The following DCC variants were observed in gnomAD, a reference collection of about 807,000 sequenced individuals.
The protein encoded by DCC is DCC netrin 1 receptor, also known as netrin receptor DCC.
A neutral mutation model predicts 172.5 loss-of-function variants in DCC; 58 were observed. The ratio of observed to expected loss-of-function variants is 0.34; its 90% confidence interval spans 0.27 to 0.42. DCC has a LOEUF of 0.42. DCC is among the 10% of genes least tolerant of loss of function. The probability of loss-of-function intolerance (pLI) is 1.00; values close to 1 mark genes in which losing one functional copy is unlikely to be tolerated. For synonymous variants in DCC, 709 were observed against 644.5 expected, an observed-to-expected ratio of 1.10 and a Z score of -1.52; for missense variants, 1,740 against 1,791.0, an observed-to-expected ratio of 0.97 and a Z score of 0.51.
intron 12 of DCC, among the ~76,000 whole-genome samples, chr18:53,249,154 T>C (rs888496014): frequency 3.9e-5 from 6 of 152,034 alleles, no homozygotes; most frequent in African/African-American, 1.4e-4. Context: ...TGGATTCCCA[T>C]AGTTTTTAAT....
chr18:52,771,426 C>G (rs1424224972), intron 2 of DCC, among the ~76,000 whole-genome samples: 1 of 152,230 alleles, frequency 6.6e-6, no homozygotes. Flanking sequence ...TAGAGAGCCA[C>G]TAGCCTTCTT....
intron 2 of DCC, among the ~76,000 whole-genome samples, chr18:52,789,392 T>A (rs1257856599): frequency 6.6e-6 from 1 of 152,050 alleles, no homozygotes; most frequent in Non-Finnish European, 1.5e-5. Flanking sequence ...AATGATTCAG[T>A]TGACTGAGAA....
chr18:53,157,402 C>G lies in DCC; in HGVS notation c.1308C>G (p.Val436=). The stretch of plus-strand genomic sequence containing the variant: ...TCCCTTCGGCTCCCAGAGATGTGGT[C>G]CCTGTCTTGGTTTCCAGCCGATTTG... The part of the protein sequence containing the change: ...SVLPSAPRDV[V]PVLVSSRFVR... Residue 436 remains valine, a synonymous_variant, in exon 8 of 29, where the codon GTC becomes GTG. Coordinates refer to ENST00000442544, the MANE Select transcript of DCC (RefSeq NM_005215.4). 6.2e-7 allele frequency: 1 copy of G among 1,614,144 alleles called. No individual in the cohort carries two copies. The highest frequency in any genetic ancestry group is 2.2e-5 in the East Asian group (1 of 44,882).
At chr18:53,335,088 C>G (rs2057576760) in intron 14 of DCC, among the ~76,000 whole-genome samples, 1 of 152,190 alleles carries the variant, frequency 6.6e-6, no homozygotes, top group Admixed American at 6.5e-5. Context: ...CATTCTCTCT[C>G]TTACCCTTGA....
chr18:53,293,305 A>G (rs1269781899), intron 12 of DCC, among the ~76,000 whole-genome samples: 3 of 152,212 alleles, frequency 2.0e-5, no homozygotes, highest in Admixed American at 2.0e-4. Flanking sequence ...CAAAAAGTCA[A>G]GAAGCAATAG....
intron 1 of DCC, among the ~76,000 whole-genome samples, chr18:52,514,528 A>T (rs2031558490): frequency 6.6e-6 from 1 of 152,244 alleles, no homozygotes; most frequent in South Asian, 2.1e-4. Flanking sequence ...TTCAGATGAC[A>T]ACCAGTGGGT....
At chr18:52,959,335 G>A (rs974436450) in intron 5 of DCC, among the ~76,000 whole-genome samples, 10 of 152,122 alleles carry the variant, frequency 6.6e-5, no homozygotes, top group African/African-American at 2.4e-4. Flanking sequence ...AATTGTTCAT[G>A]TTAACTCAAA....
At chr18:52,924,516 A>C (rs1433219794) in intron 4 of DCC, among the ~76,000 whole-genome samples, 1 of 152,102 alleles carries the variant, frequency 6.6e-6, no homozygotes, top group Non-Finnish European at 1.5e-5. Flanking sequence ...TGGAATATTA[A>C]TATTAAGATA....
At chr18:53,452,192 G>T (rs2045423069) in intron 23 of DCC, among the ~76,000 whole-genome samples, 1 of 152,202 alleles carries the variant, frequency 6.6e-6, no homozygotes, top group African/African-American at 2.4e-5. Flanking sequence ...TGAAATCACG[G>T]AACAGTGGAA....
intron 1 of DCC, among the ~76,000 whole-genome samples, chr18:52,586,497 T>C (rs558146325): frequency 6.6e-6 from 1 of 152,272 alleles, no homozygotes; most frequent in African/African-American, 2.4e-5. Flanking sequence ...GAGCCCAAAG[T>C]GTCCAGGTGG....
chr18:53,137,682 T>C (rs2043765095), intron 7 of DCC, among the ~76,000 whole-genome samples: 1 of 152,202 alleles, frequency 6.6e-6, no homozygotes, highest in African/African-American at 2.4e-5. Context: ...TCTACCTCAG[T>C]TGTTTTATAG....
intron 13 of DCC, among the ~76,000 whole-genome samples, chr18:53,308,847 A>T (rs62097990): frequency 0.017 from 2,519 of 152,258 alleles, 25 homozygotes; most frequent in Non-Finnish European, 0.026. Flanking sequence ...GGAGGCCAGA[A>T]GTCTGACATT....
chr18:53,347,854 C>T (rs1421258999), intron 15 of DCC, among the ~76,000 whole-genome samples: 1 of 152,110 alleles, frequency 6.6e-6, no homozygotes, highest in Non-Finnish European at 1.5e-5. Context: ...TCTCATGAGG[C>T]TCATTCACTA....
chr18:53,384,349 T>A lies in DCC; in HGVS notation c.2360-1694T>A, dbSNP rs1325137610. ...CTAATTTTTTTTTCTAAGTCATATA[T>A]TATTTTTGTCTGGATGCCTAAAACA... On this transcript the variant is annotated intron_variant, in intron 15 of 28. Coordinates refer to ENST00000442544, the MANE Select transcript of DCC (RefSeq NM_005215.4). Among the ~76,000 whole-genome samples the A allele has an allele frequency of 2.0e-5, 3 of 152,280 alleles. No homozygotes were observed. The East Asian group carries it at 5.8e-4, about 29-fold the overall frequency.
chr18:52,904,007 A>G (rs989055645), intron 2 of DCC, among the ~76,000 whole-genome samples: 3 of 152,246 alleles, frequency 2.0e-5, no homozygotes, highest in African/African-American at 7.2e-5. Context: ...CAGCACAGAC[A>G]CAGATTAGTT....
chr18:52,426,071 C>T (rs557561366), intron 1 of DCC, among the ~76,000 whole-genome samples: 24 of 152,134 alleles, frequency 1.6e-4, no homozygotes, highest in African/African-American at 5.3e-4. Flanking sequence ...TAAGGCTCAC[C>T]TTAGAGATCA....
In DCC at chr18:52,752,296, G is replaced by A. The variant is rs764881152; in HGVS notation, c.334G>A (p.Glu112Lys). The change falls in exon 2 of 29, where the codon GAG becomes AAG. Residue 112 changes from glutamate (E) to lysine (K), a missense_variant. Glu to Lys is a moderately conservative substitution (Grantham distance 56). Coordinates refer to ENST00000442544, the MANE Select transcript of DCC (RefSeq NM_005215.4). Reference protein sequence around the residue: ...ILHSRHHKPDEGLYQCEASLG... With the variant: ...ILHSRHHKPDKGLYQCEASLG... ...TCATTCCAGACACCACAAGCCAGAT[G>A]AGGGACTTTACCAATGTGAGGCATC... The A allele has an allele frequency of 6.2e-7, 1 of 1,614,164 alleles. No individual in the cohort carries two copies.
chr18:52,778,261 A>C (rs2037469518), intron 2 of DCC, among the ~76,000 whole-genome samples: 1 of 152,218 alleles, frequency 6.6e-6, no homozygotes, highest in African/African-American at 2.4e-5. Context: ...TGGTGTTTTA[A>C]ATGTGCACTA....
At chr18:52,766,990 G>A (rs1376549971) in intron 2 of DCC, among the ~76,000 whole-genome samples, 1 of 152,036 alleles carries the variant, frequency 6.6e-6, no homozygotes, top group African/African-American at 2.4e-5. Flanking sequence ...CAAATAGGAA[G>A]AGAGAATCCC....
Sources: allele counts gnomAD v4.1 joint callset (sites outside exome capture counted in the v4.1 genomes callset), GRCh38; gene constraint gnomAD v4.1.1; transcripts MANE v1.5; gene names NCBI Gene and HGNC (gene_info 2026-07-23, HGNC 2026-07-21).